Variants in CLN3 observed in about 807,000 individuals in gnomAD.
CLN3 encodes battenin.
A neutral mutation model predicts 60.7 loss-of-function variants in CLN3; 49 were observed. The ratio of observed to expected loss-of-function variants is 0.81; its 90% CI spans 0.64 to 1.02. The LOEUF is 1.02. Among genes scored for constraint, CLN3 ranks in the 50% least tolerant of loss-of-function variants. The pLI, the probability that CLN3 is intolerant of heterozygous loss-of-function variation, is 0.00. For missense variants in CLN3, 516 were observed against 557.4 expected, an observed-to-expected ratio of 0.93 and a Z score of 0.75; for synonymous variants, 256 against 245.8, an observed-to-expected ratio of 1.04 and a Z score of -0.39.
At position 28,483,713 on chromosome 16, in the gene CLN3, CT is replaced by C. The variant is rs755660742; in HGVS notation, c.790+292del. ...CTCCCTCCCTTCCTTCCTTTCTTTT[CT>C]TTTTTTTTTTTTTTTTTTTTTTTTT... On this transcript the variant is annotated intron_variant, in intron 10 of 15. Transcript: ENST00000636147. 0.019 allele frequency among the ~76,000 whole-genome samples: 1,944 copies of C among 100,322 alleles called. 15 individuals carry two copies. The highest frequency in any genetic ancestry group is 0.063 in the African/African-American group (1,372 of 21,836). The allele number at this position is 100,322 out of a possible 152,430, so 65.8% of individuals were successfully genotyped here.
At position 28,489,374 on chromosome 16, in the gene CLN3, A is replaced by G. The variant is rs1019659797; in HGVS notation, c.138T>C (p.Leu46=). The G allele has an allele frequency of 1.2e-6, 2 of 1,611,664 alleles. No homozygotes were observed. Among genetic ancestry groups the G allele is most frequent in the Non-Finnish European group, 1.7e-6 (2 of 1,178,858 alleles). ...KNAVGFWLLG[L]CNNFSYVVML... is the part of the protein sequence containing the mutation. The stretch of plus-strand genomic sequence containing the variant: ...TCACCACATAAGAGAAGTTGTTGCA[A>G]AGGCCCAGCAGCCTGGAAGGAGCAG... Residue 46 remains leucine (L), a synonymous_variant, in exon 4 of 16, where the codon CTT becomes CTC. Transcript: ENST00000636147.
intron 9 of CLN3, chr16:28,484,642 G>C (rs556671682): frequency 5.5e-6 from 1 of 183,194 alleles, no homozygotes. Flanking sequence ...GAGCCACTGT[G>C]CTCAGCAGGC....
chr16:28,489,633 C>G (rs2046279527), intron 3 of CLN3, among the ~76,000 whole-genome samples: 1 of 152,200 alleles, frequency 6.6e-6, no homozygotes, highest in East Asian at 1.9e-4. Context: ...GCACTGTAGT[C>G]CCAGCTACTT....
At chr16:28,482,239 G>C in intron 13 of CLN3, 41 bp from the exon 14 acceptor site, 2 of 1,600,992 alleles carry the variant, frequency 1.2e-6, no homozygotes, top group Non-Finnish European at 1.7e-6. Flanking sequence ...GCTCCTCCAG[G>C]GACCATCCCG....
chr16:28,485,684 T>TAA (rs758152793), intron 9 of CLN3, among the ~76,000 whole-genome samples: 20 of 84,568 alleles, frequency 2.4e-4, no homozygotes, highest in Admixed American at 6.7e-4. Context: ...CAACACTGAT[T>TAA]AAAAAAAAAA....
chr16:28,477,788 C>G lies in CLN3; in HGVS notation c.1146G>C (p.Gly382=), dbSNP rs1567253962. 6.2e-7 allele frequency: 1 copy of G among 1,614,090 alleles called. No individual in the cohort carries two copies. Among genetic ancestry groups the G allele is most frequent in the Non-Finnish European group, 8.5e-7 (1 of 1,180,054 alleles). The change falls in exon 15 of 16, where the codon GGG becomes GGC. Residue 382 remains glycine (G), a synonymous_variant. Coordinates refer to ENST00000636147, the MANE Select transcript of CLN3 (RefSeq NM_001042432.2). ...TCACGTAGGCTGCGCCTCCCAGGAG[C>G]CCCTCATACAGAATGATCAGGAAGA... ...YLVFLIILYE[G]LLGGAAYVNT...
chr16:28,482,727 C>T lies in CLN3; in HGVS notation c.791-55G>A, dbSNP rs1179844937. ...TGAAGTTTTCACACTGAAGACTCGG[C>T]AAAGAGGCACCGGTATGACAGAATT... On this transcript the variant is annotated intron_variant, in intron 10 of 15. Coordinates refer to ENST00000636147, the MANE Select transcript of CLN3 (RefSeq NM_001042432.2). 6 of 1,581,296 alleles carry T rather than the reference C, an allele frequency of 3.8e-6. No individual in the cohort carries two copies. In the Admixed American group the frequency reaches 1.0e-4, roughly 26 times the overall value.
Position 28,488,667 on chromosome 16 carries a change from T to C in CLN3, c.223-5A>G, listed in dbSNP as rs1210022838. On this transcript the variant is annotated splice_polypyrimidine_tract_variant and splice_region_variant and intron_variant, in intron 4 of 15. Coordinates refer to ENST00000636147, the MANE Select transcript of CLN3 (RefSeq NM_001042432.2). ...CGGCGTTGGGCCTGGGTCCACCTAATGGGAGAAAAGCATGTCTTTCACCCT... is the reference window on the plus strand; with the variant it reads ...CGGCGTTGGGCCTGGGTCCACCTAACGGGAGAAAAGCATGTCTTTCACCCT... 2.4e-5 allele frequency: 39 copies of C among 1,613,864 alleles called. No homozygotes were observed. Among genetic ancestry groups the C allele is most frequent in the Non-Finnish European group, 3.1e-5 (36 of 1,179,906 alleles).
At chr16:28,477,686 C>T in intron 15 of CLN3, 51 bp from the exon 16 acceptor site, 1 of 1,614,076 alleles carries the variant, frequency 6.2e-7, no homozygotes, top group South Asian at 1.1e-5. Flanking sequence ...CATCCCTGCC[C>T]TGGGTGTCCC....
At chr16:28,469,903 C>T (rs1346249484), downstream of CLN3, 12 of 270,578 alleles carry the variant, frequency 4.4e-5, no homozygotes, top group South Asian at 1.7e-4. Flanking sequence ...ACCCCGGAAG[C>T]GGAGGTTGCA....
rs1426849822 is a variant in CLN3, at chr16:28,487,493, C to G, written c.423G>C (p.Leu141=). The change falls in exon 7 of 16, where the codon CTG becomes CTC. Residue 141 remains leucine (L), a synonymous_variant. Transcript: ENST00000636147. ...SGICAAGSFV[L]VAFSHSVGTS... Reference sequence around the variant, plus strand: ...TCCCCACAGAATGAGAAAAGGCAACCAGGACGAAGCTTCCAGCAGCACAAA... The same window carrying G: ...TCCCCACAGAATGAGAAAAGGCAACGAGGACGAAGCTTCCAGCAGCACAAA... The G allele has an allele frequency of 6.2e-7, 1 of 1,614,036 alleles. No homozygotes were observed. Among genetic ancestry groups the G allele is most frequent in the Non-Finnish European group, 8.5e-7 (1 of 1,180,020 alleles).
chr16:28,472,555 A>T (rs1158242463), downstream of CLN3, among the ~76,000 whole-genome samples: 2 of 151,800 alleles, frequency 1.3e-5, no homozygotes, highest in East Asian at 3.9e-4. Context: ...AAGAAAATGT[A>T]GGAGGCTGGG....
Position 28,482,565 on chromosome 16 carries a change from T to A in CLN3, c.838-20A>T, listed in dbSNP as rs1856939990. ...CAGACCCTGGAAAAGGCAGAAGATA[T>A]AAGCGGGGGGCCTGGAGGTGAGCAA... On this transcript the variant is annotated intron_variant, in intron 11 of 15. Coordinates refer to ENST00000636147, the MANE Select transcript of CLN3 (RefSeq NM_001042432.2). 3.7e-6 allele frequency: 6 copies of A among 1,613,884 alleles called. No individual in the cohort carries two copies. The highest frequency in any genetic ancestry group is 5.1e-6 in the Non-Finnish European group (6 of 1,179,986).
chr16:28,481,116 TTTTC>T (rs2046082296), intron 14 of CLN3, among the ~76,000 whole-genome samples: 1 of 152,054 alleles, frequency 6.6e-6, no homozygotes. Context: ...TTCCTTTCTT[TTTTC>T]TTTTTCTGGG....
downstream of CLN3, chr16:28,476,789 T>A (rs775917713): frequency 6.5e-6 from 1 of 153,118 alleles, no homozygotes; most frequent in Non-Finnish European, 1.5e-5. Context: ...AACATGATTG[T>A]TTACAGATTG....
chr16:28,483,224 A>T (rs1182015488), intron 10 of CLN3, among the ~76,000 whole-genome samples: 3 of 151,808 alleles, frequency 2.0e-5, no homozygotes, highest in Non-Finnish European at 4.4e-5. Context: ...TTGATTTTTA[A>T]TTTTTTTTAT....
chr16:28,486,754 C>T (rs1442909673), intron 7 of CLN3, 104 bp from the exon 8 acceptor site: 1 of 1,100,430 alleles, frequency 9.1e-7, no homozygotes, highest in Non-Finnish European at 1.3e-6. Context: ...CTCATAGAGG[C>T]TCCAATAGAT....
chr16:28,491,944 C>G, intron 1 of CLN3, 76 bp downstream of exon 1: 1 of 748,330 alleles, frequency 1.3e-6, no homozygotes, highest in South Asian at 1.6e-5. Context: ...CCATCTCGAG[C>G]GCCCTACGAC....
chr16:28,485,179 G>A (rs565963956), intron 9 of CLN3, among the ~76,000 whole-genome samples: 244 of 149,642 alleles, frequency 1.6e-3, no homozygotes, highest in Admixed American at 4.3e-3. Context: ...TCCTGACCTC[G>A]TGGTGCGCCC....
Sources: allele counts gnomAD v4.1 joint callset (sites outside exome capture counted in the v4.1 genomes callset), GRCh38; gene constraint gnomAD v4.1.1; transcripts MANE v1.5; gene names NCBI Gene and HGNC (gene_info 2026-07-23, HGNC 2026-07-21).